The following ALKBH8 variants were observed in gnomAD, a reference collection of about 807,000 sequenced individuals.
ALKBH8 encodes tRNA (carboxymethyluridine(34)-5-O)-methyltransferase ALKBH8.
In ALKBH8, 36 loss-of-function variants were observed where a neutral mutation model predicts 59.8. The observed-to-expected ratio is 0.60, with a 90% confidence interval of 0.46 to 0.79. ALKBH8 has a LOEUF of 0.79. Among genes scored for constraint, ALKBH8 ranks in the 30% least tolerant of loss-of-function variants. The probability of loss-of-function intolerance (pLI) is 0.00; values close to 1 mark genes in which losing one functional copy is unlikely to be tolerated. For missense variants in ALKBH8, 768 were observed against 801.0 expected, an observed-to-expected ratio of 0.96 and a Z score of 0.50; for synonymous variants, 276 against 273.6, an observed-to-expected ratio of 1.01 and a Z score of -0.09.
Position 107,511,415 on chromosome 11 carries a change from G to A in ALKBH8, c.1288-379C>T, listed in dbSNP as rs117289472. 9.2e-3 allele frequency among the ~76,000 whole-genome samples: 1,399 copies of A among 152,198 alleles called. 16 individuals are homozygous for A. The highest frequency in any genetic ancestry group is 0.021 in the South Asian group (100 of 4,822). ...CATAAACACAGACAGTCTTTTAGGG[G>A]GAGCTGCAAATAAGATGTTCTAAGA... On this transcript the variant is annotated intron_variant, in intron 10 of 11. Transcript: ENST00000428149.
chr11:107,553,842 C>T lies in ALKBH8; in HGVS notation c.499+5G>A, dbSNP rs1325640958. On this transcript the variant is annotated splice_donor_5th_base_variant and intron_variant, in intron 4 of 11. Transcript: ENST00000428149. ...CAAATATCAGATTTTGAAAGTTTTA[C>T]TTACAGTTTTGATTGTCTGTATCTT... 1 of 1,606,060 alleles carries T rather than the reference C, an allele frequency of 6.2e-7. No individual in the cohort carries two copies. The highest frequency in any genetic ancestry group is 8.5e-7 in the Non-Finnish European group (1 of 1,177,378).
intron 8 of ALKBH8, among the ~76,000 whole-genome samples, chr11:107,528,390 C>T (rs1181027473): frequency 6.6e-6 from 1 of 152,032 alleles, no homozygotes; most frequent in Non-Finnish European, 1.5e-5. Context: ...GGTACATGTG[C>T]ACAACGTGCA....
At chr11:107,556,421 G>A (rs1408048075) in intron 3 of ALKBH8, among the ~76,000 whole-genome samples, 1 of 152,192 alleles carries the variant, frequency 6.6e-6, no homozygotes, top group Non-Finnish European at 1.5e-5. Context: ...CAAAGCTCCT[G>A]GGTAGATATG....
At chr11:107,528,866 G>C (rs1011491954) in intron 8 of ALKBH8, among the ~76,000 whole-genome samples, 3 of 152,104 alleles carry the variant, frequency 2.0e-5, no homozygotes, top group Non-Finnish European at 4.4e-5. Context: ...TATAATAGAA[G>C]AGACATCTCA....
chr11:107,504,959 T>C lies in ALKBH8; in HGVS notation c.1694A>G (p.Glu565Gly). The C allele has an allele frequency of 1.3e-6, 2 of 1,551,792 alleles. No individual in the cohort carries two copies. Among genetic ancestry groups the C allele is most frequent in the Non-Finnish European group, 1.7e-6 (2 of 1,146,940 alleles). Residue 565 changes from glutamate to glycine, a missense_variant, in exon 12 of 12, where the codon GAA becomes GGA. By Grantham distance (98) the Glu-to-Gly change is moderately conservative. Transcript: ENST00000428149. ...AACTTGCCTTGAATTACATCCTCCT[T>C]CCTGAGAGTCATTAATGCGGGGGAC... ...SSVPRINDSQ[E>G]GGCNSRQVSN...
intron 7 of ALKBH8, among the ~76,000 whole-genome samples, chr11:107,533,620 C>T (rs911136715): frequency 2.0e-5 from 3 of 151,978 alleles, no homozygotes; most frequent in Non-Finnish European, 1.5e-5. Context: ...TTCGAAACAC[C>T]GGAGATTAAT....
At chr11:107,505,307 A>G (rs1862337456) in intron 11 of ALKBH8, 92 bp from the exon 12 acceptor site, 1 of 918,124 alleles carries the variant, frequency 1.1e-6, no homozygotes, top group Non-Finnish European at 1.6e-6. Context: ...AATTAGGATG[A>G]ACAATAAGAA....
chr11:107,543,154 T>C (rs1864114484), intron 7 of ALKBH8, among the ~76,000 whole-genome samples: 1 of 152,104 alleles, frequency 6.6e-6, no homozygotes, highest in Admixed American at 6.6e-5. Flanking sequence ...CTGGCCAAGA[T>C]GGTGAAACCC....
At chr11:107,527,946 G>A (rs924719533) in intron 8 of ALKBH8, among the ~76,000 whole-genome samples, 2 of 152,174 alleles carry the variant, frequency 1.3e-5, no homozygotes, top group Admixed American at 1.3e-4. Flanking sequence ...GATGTCAGCT[G>A]TGGGTTTTTC....
chr11:107,560,702 T>C, intron 2 of ALKBH8, 63 bp downstream of exon 2: 1 of 1,447,506 alleles, frequency 6.9e-7, no homozygotes, highest in Non-Finnish European at 9.3e-7. Context: ...TAGCAAATAT[T>C]AATATAATAC....
intron 2 of ALKBH8, among the ~76,000 whole-genome samples, chr11:107,559,175 G>A (rs1447380033): frequency 1.3e-5 from 2 of 152,134 alleles, no homozygotes; most frequent in Non-Finnish European, 2.9e-5. Context: ...CCACGATTGT[G>A]AGGCCTCCCC....
chr11:107,527,094 C>T (rs977800263), intron 8 of ALKBH8, among the ~76,000 whole-genome samples: 4 of 151,846 alleles, frequency 2.6e-5, no homozygotes, highest in Non-Finnish European at 5.9e-5. Flanking sequence ...AAAGAAAAGC[C>T]TTCTAGAGTT....
intron 7 of ALKBH8, among the ~76,000 whole-genome samples, chr11:107,546,367 C>A (rs933111588): frequency 6.6e-6 from 1 of 152,174 alleles, no homozygotes; most frequent in Non-Finnish European, 1.5e-5. Flanking sequence ...GCCTGGCCAG[C>A]AAAGGCAGGC....
Position 107,556,890 on chromosome 11 carries a change from C to T in ALKBH8, c.243G>A (p.Pro81=), listed in dbSNP as rs17107135. The stretch of plus-strand genomic sequence containing the variant: ...TAGTTCTGTATCTTGCAAATGAGTA[C>T]GGCTTGTTAGGTGGCATTAAGAGAG... ...VDALLMPPNK[P]YSFARYRTTE... The change falls in exon 3 of 12, where the codon CCG becomes CCA. Residue 81 remains proline, a synonymous_variant. Transcript: ENST00000428149. 27 of 1,611,238 alleles carry T rather than the reference C, an allele frequency of 1.7e-5. 1 individual carries two copies. The East Asian group carries it at 2.7e-4, about 16-fold the overall frequency.
At chr11:107,562,341 C>A (rs1160856251) in intron 1 of ALKBH8, among the ~76,000 whole-genome samples, 2 of 150,850 alleles carry the variant, frequency 1.3e-5, no homozygotes, top group Non-Finnish European at 2.9e-5. Flanking sequence ...TTGGGAAGGC[C>A]TCAAAACAGG....
At chr11:107,554,531 A>C (rs2135579326) in intron 3 of ALKBH8, among the ~76,000 whole-genome samples, 1 of 146,910 alleles carries the variant, frequency 6.8e-6, no homozygotes, top group East Asian at 1.9e-4. Context: ...TAGAAGGAAA[A>C]GAAAAAAGAA....
At chr11:107,524,820 G>T (rs1863283310) in intron 9 of ALKBH8, among the ~76,000 whole-genome samples, 1 of 152,046 alleles carries the variant, frequency 6.6e-6, no homozygotes, top group African/African-American at 2.4e-5. Context: ...ATATAAAAAG[G>T]ATTTTATTAT....
At chr11:107,545,100 G>C (rs1160099286) in intron 7 of ALKBH8, among the ~76,000 whole-genome samples, 2 of 152,098 alleles carry the variant, frequency 1.3e-5, no homozygotes, top group Non-Finnish European at 2.9e-5. Flanking sequence ...TAAAAGAAGA[G>C]ATTGTTTGGC....
chr11:107,507,965 C>T (rs947678659), intron 11 of ALKBH8, among the ~76,000 whole-genome samples: 4 of 152,200 alleles, frequency 2.6e-5, no homozygotes, highest in African/African-American at 9.6e-5. Context: ...TCAAGGTATT[C>T]CCATGTGTTA....
Sources: gnomAD v4.1 joint callset for allele counts (sites outside exome capture counted in the v4.1 genomes callset) on GRCh38, gnomAD v4.1.1 for gene constraint, MANE v1.5 for transcripts, NCBI Gene and HGNC (gene_info 2026-07-23, HGNC 2026-07-21) for gene names.